SGMS2: variants seen among roughly 807,000 people sequenced by gnomAD.
The protein encoded by SGMS2 is phosphatidylcholine:ceramide cholinephosphotransferase 2.
In SGMS2, 21 loss-of-function variants were observed where a neutral mutation model predicts 43.8. The observed-to-expected ratio is 0.48, with a 90% CI of 0.34 to 0.69. The LOEUF (loss-of-function observed/expected upper bound fraction) is 0.69, where lower values mean the gene tolerates loss of function less well. SGMS2 is among the 30% of genes least tolerant of loss of function. SGMS2 has a pLI of 0.01. For missense variants in SGMS2, 384 were observed against 443.2 expected (o/e 0.87, Z 1.20); for synonymous variants, 167 against 160.6 (o/e 1.04, Z -0.30).
intron 2 of SGMS2, among the ~76,000 whole-genome samples, chr4:107,861,162 C>A (rs571068451): frequency 6.6e-6 from 1 of 152,288 alleles, no homozygotes; most frequent in Admixed American, 6.5e-5. Flanking sequence ...TCAGGGTATA[C>A]AAATGCAGTA....
intron 2 of SGMS2, among the ~76,000 whole-genome samples, chr4:107,874,266 G>T (rs931878115): frequency 6.6e-6 from 1 of 152,060 alleles, no homozygotes; most frequent in African/African-American, 2.4e-5. Flanking sequence ...CTGTACAGGG[G>T]GCATTACTTT....
rs554598391 is a variant in SGMS2, at chr4:107,911,698, T to C, written c.*1145T>C. The C allele has an allele frequency of 3.3e-5, 5 of 152,270 alleles. No individual in the cohort carries two copies. In the South Asian group the frequency reaches 8.3e-4, roughly 25 times the overall value. 9.4% of individuals were successfully genotyped at this position (152,270 alleles called of 1,614,324 possible). A position where few individuals can be genotyped will look rare whatever the true frequency, so the allele number is the denominator to read the frequency against. ...TAATTTTACTTTTACCCTATGAAAATAACATGGTGCTGCACTATAATATAC... is the reference window on the plus strand; with the variant it reads ...TAATTTTACTTTTACCCTATGAAAACAACATGGTGCTGCACTATAATATAC... On this transcript the variant is annotated 3_prime_UTR_variant, in exon 7 of 7. Coordinates refer to ENST00000690982, the MANE Select transcript of SGMS2 (RefSeq NM_001375905.1).
chr4:107,900,097 AGTCAGGTGATT>A (rs994794361), intron 4 of SGMS2, among the ~76,000 whole-genome samples: 26 of 152,194 alleles, frequency 1.7e-4, no homozygotes, highest in Middle Eastern at 3.4e-3. Flanking sequence ...CATGCTGATA[AGTCAGGTGATT>A]GTCAGGTGAT....
In SGMS2 at chr4:107,908,992, A is replaced by G. The variant is rs138686539; in HGVS notation, c.894+261A>G. Among the ~76,000 whole-genome samples the G allele has an allele frequency of 2.0e-5, 3 of 152,310 alleles. No homozygotes were observed. The East Asian group carries it at 5.8e-4, about 29-fold the overall frequency. ...TAAACTAGAATGAAAAAATATATGT[A>G]CTAAATTAAAATTTAGGAACCTTCT... On this transcript the variant is annotated intron_variant, in intron 6 of 6. Transcript: ENST00000690982.
intron 1 of SGMS2, among the ~76,000 whole-genome samples, chr4:107,840,589 A>G (rs1026431848): frequency 6.6e-6 from 1 of 152,236 alleles, no homozygotes; most frequent in East Asian, 1.9e-4. Flanking sequence ...TGGACACAGT[A>G]AGAGGTAAAA....
Position 107,868,717 on chromosome 4 carries a change from CA to C in SGMS2, c.-245+10175del, listed in dbSNP as rs35709806. On this transcript the variant is annotated intron_variant, in intron 2 of 6. Transcript: ENST00000690982. ...TGGGCGACAAAGTGAGACTTTGTCT[CA>C]AAAAAAAAAAGTTGCTGCCATTTTC... Among the ~76,000 whole-genome samples, 148 of 143,148 alleles carry C rather than the reference CA, an allele frequency of 1.0e-3. 1 individual carries two copies. Among genetic ancestry groups the C allele is most frequent in the African/African-American group, 3.2e-3 (127 of 39,160 alleles). 93.9% of individuals were successfully genotyped at this position (143,148 alleles called of 152,430 possible).
chr4:107,897,801 T>A (rs1051130304), intron 3 of SGMS2, among the ~76,000 whole-genome samples: 1 of 152,190 alleles, frequency 6.6e-6, no homozygotes, highest in Admixed American at 6.5e-5. Context: ...AGTAGAATAA[T>A]TTTTATAACC....
intron 5 of SGMS2, among the ~76,000 whole-genome samples, chr4:107,905,261 G>A (rs1037018062): frequency 6.6e-5 from 10 of 152,100 alleles, no homozygotes; most frequent in African/African-American, 1.4e-4. Flanking sequence ...AAATGAGAAC[G>A]AAGCAAAAGG....
chr4:107,912,881 GTCA>G lies in SGMS2; in HGVS notation c.*2331_*2333del. 1 of 151,968 alleles carries G rather than the reference GTCA, an allele frequency of 6.6e-6. No homozygotes were observed. The highest frequency in any genetic ancestry group is 6.6e-5 in the Admixed American group (1 of 15,240). 9.4% of individuals were successfully genotyped at this position (151,968 alleles called of 1,614,324 possible). On this transcript the variant is annotated 3_prime_UTR_variant, in exon 7 of 7. Coordinates refer to ENST00000690982, the MANE Select transcript of SGMS2 (RefSeq NM_001375905.1). Reference sequence around the variant, plus strand: ...TTACACGCATGTGTCGTATAGCTCTGTCATCGAGTTGAGGAAGTCCATGGTTTG... The same window carrying G: ...TTACACGCATGTGTCGTATAGCTCTGTCGAGTTGAGGAAGTCCATGGTTTG...
chr4:107,895,881 A>G lies in SGMS2; in HGVS notation c.328A>G (p.Ser110Gly). 6.2e-7 allele frequency: 1 copy of G among 1,613,982 alleles called. No individual in the cohort carries two copies. The highest frequency in any genetic ancestry group is 8.5e-7 in the Non-Finnish European group (1 of 1,179,934). ...VHERVPPKEL[S>G]PPLPDKFFDY... ...TGAGAGGGTCCCTCCCAAGGAGCTT[A>G]GCCCTCCACTCCCAGACAAGTTTTT... Residue 110 changes from serine (S) to glycine (G), a missense_variant, in exon 3 of 7, where the codon AGC becomes GGC. Physicochemically the swap from Ser to Gly is moderately conservative, Grantham distance 56. Transcript: ENST00000690982.
chr4:107,868,134 TAAC>T (rs1407419992), intron 2 of SGMS2, among the ~76,000 whole-genome samples: 4 of 152,170 alleles, frequency 2.6e-5, no homozygotes, highest in African/African-American at 7.2e-5. Flanking sequence ...AAGCTTAAAA[TAAC>T]AACAAAGCCA....
intron 2 of SGMS2, among the ~76,000 whole-genome samples, chr4:107,862,584 A>C (rs1711850061): frequency 6.6e-6 from 1 of 152,148 alleles, no homozygotes; most frequent in Non-Finnish European, 1.5e-5. Context: ...CCTATATTTC[A>C]GCTACAAAGG....
At chr4:107,849,588 A>G (rs942024970) in intron 1 of SGMS2, among the ~76,000 whole-genome samples, 1 of 152,138 alleles carries the variant, frequency 6.6e-6, no homozygotes, top group Non-Finnish European at 1.5e-5. Flanking sequence ...GAGGGTACAG[A>G]TGAACTGCAA....
chr4:107,825,620 C>T (rs948384420), intron 1 of SGMS2, among the ~76,000 whole-genome samples: 5 of 116,274 alleles, frequency 4.3e-5, no homozygotes, highest in South Asian at 2.7e-4. Context: ...TTTTCTTTCT[C>T]TTTTTTTTTT....
At chr4:107,871,065 C>T (rs1360743430) in intron 2 of SGMS2, among the ~76,000 whole-genome samples, 2 of 152,126 alleles carry the variant, frequency 1.3e-5, no homozygotes, top group South Asian at 2.1e-4. Context: ...TTTTTCTAAG[C>T]CCATTTCACC....
At chr4:107,879,487 A>C (rs1174692508) in intron 2 of SGMS2, among the ~76,000 whole-genome samples, 1 of 149,060 alleles carries the variant, frequency 6.7e-6, no homozygotes, top group East Asian at 2.0e-4. Context: ...TTCGAGACCG[A>C]GTCTCACTCT....
chr4:107,836,794 G>A (rs1017062188), intron 1 of SGMS2, among the ~76,000 whole-genome samples: 10 of 152,066 alleles, frequency 6.6e-5, no homozygotes, highest in East Asian at 3.9e-4. Context: ...AATATTTGGC[G>A]GCCGGAACAC....
chr4:107,854,221 C>T (rs769116603), intron 1 of SGMS2, among the ~76,000 whole-genome samples: 6 of 152,198 alleles, frequency 3.9e-5, no homozygotes, highest in East Asian at 1.9e-4. Context: ...TCAACTTTAT[C>T]GTGTCTTCCA....
In SGMS2 at chr4:107,913,670, G is replaced by GC. The variant is rs974711748; in HGVS notation, c.*3118dup. The GC allele has an allele frequency of 6.6e-6, 1 of 152,048 alleles. No homozygotes were observed. Among genetic ancestry groups the GC allele is most frequent in the African/African-American group, 2.4e-5 (1 of 41,388 alleles). 9.4% of individuals were successfully genotyped at this position (152,048 alleles called of 1,614,324 possible). A position where few individuals can be genotyped will look rare whatever the true frequency, so the allele number is the denominator to read the frequency against. On this transcript the variant is annotated 3_prime_UTR_variant, in exon 7 of 7. Coordinates refer to ENST00000690982, the MANE Select transcript of SGMS2 (RefSeq NM_001375905.1). ...AAGGTAAAATGTGCTCAGATTATAG[G>GC]CACTTGTAATTCTAACCTTGTATCC...
Sources: allele counts gnomAD v4.1 joint callset (sites outside exome capture counted in the v4.1 genomes callset), GRCh38; gene constraint gnomAD v4.1.1; transcripts MANE v1.5; gene names NCBI Gene and HGNC (gene_info 2026-07-23, HGNC 2026-07-21).